The following CPAMD8 variants were observed in gnomAD, a reference collection of about 807,000 sequenced individuals.
CPAMD8 encodes the protein C3 and PZP like alpha-2-macroglobulin domain containing 8, also known as C3 and PZP-like alpha-2-macroglobulin domain-containing protein 8.
CPAMD8 carries 146 observed loss-of-function variants against 224.7 expected under a neutral mutation model. The ratio of observed to expected loss-of-function variants is 0.65; its 90% confidence interval spans 0.57 to 0.75. The LOEUF (loss-of-function observed/expected upper bound fraction) is 0.75, where lower values mean the gene tolerates loss of function less well. CPAMD8 is among the 30% of genes least tolerant of loss of function. CPAMD8 has a pLI of 0.00. For synonymous variants in CPAMD8, 966 were observed against 1,044.6 expected (o/e 0.92, Z 1.45); for missense variants, 2,301 against 2,537.5 (o/e 0.91, Z 2.00).
intron 3 of CPAMD8, among the ~76,000 whole-genome samples, chr19:17,018,955 C>A (rs2056884596): frequency 1.3e-5 from 2 of 149,278 alleles, no homozygotes; most frequent in Non-Finnish European, 1.5e-5. Flanking sequence ...TAGAAAAAAT[C>A]TAGCTGGGGG....
chr19:16,906,293 C>T lies in CPAMD8; in HGVS notation c.4027+659G>A, dbSNP rs531413584. On this transcript the variant is annotated intron_variant, in intron 30 of 41. Transcript: ENST00000443236. ...TTCCTTCCTTTCTTCCTCTCCCTCC[C>T]TCCCTCCCTCTCTCTCTTCTCTCCC... 2.4e-3 allele frequency among the ~76,000 whole-genome samples: 362 copies of T among 150,076 alleles called. 1 individual carries two copies. Among genetic ancestry groups the T allele is most frequent in the South Asian group, 3.8e-3 (18 of 4,720 alleles).
intron 5 of CPAMD8, among the ~76,000 whole-genome samples, chr19:17,011,072 T>C (rs2123137435): frequency 6.6e-6 from 1 of 151,618 alleles, no homozygotes; most frequent in African/African-American, 2.4e-5. Context: ...TGGGCACCTA[T>C]AATCCCGGCT....
chr19:16,939,014 A>G (rs1165378328), intron 22 of CPAMD8, among the ~76,000 whole-genome samples: 3 of 151,848 alleles, frequency 2.0e-5, no homozygotes, highest in Non-Finnish European at 2.9e-5. Flanking sequence ...CCAGAATTTA[A>G]CCCCCTATAC....
chr19:16,950,737 G>T (rs1311951309), intron 20 of CPAMD8, among the ~76,000 whole-genome samples: 1 of 147,404 alleles, frequency 6.8e-6, no homozygotes, highest in Non-Finnish European at 1.5e-5. Flanking sequence ...AGGCTGCAGT[G>T]AGCTGTGATT....
chr19:16,992,147 C>T (rs1357683847), intron 12 of CPAMD8, among the ~76,000 whole-genome samples: 5 of 152,146 alleles, frequency 3.3e-5, no homozygotes, highest in Non-Finnish European at 7.4e-5. Context: ...TTCTTGCCTC[C>T]CCTGATGATG....
rs765066040 is a variant in CPAMD8, at chr19:16,976,108, A to C, written c.1802T>G (p.Val601Gly). 1.2e-6 allele frequency: 2 copies of C among 1,612,786 alleles called. No homozygotes were observed. The highest frequency in any genetic ancestry group is 1.7e-5 in the Admixed American group (1 of 59,884). The change falls in exon 16 of 42, where the codon GTT becomes GGT. Residue 601 changes from valine to glycine, a missense_variant. This residue lies in a region of CPAMD8 where 1,709 missense variants were observed against 1,753.2 expected (regional missense o/e 0.97). Coordinates refer to ENST00000443236, the MANE Select transcript of CPAMD8 (RefSeq NM_015692.5). Reference protein sequence around the residue: ...YSANETQPGEVVDLRIRAARG... With the variant: ...YSANETQPGEGVDLRIRAARG... ...TGCAGCCCTGATCCGCAGGTCGACA[A>C]CCTCCCCAGGTTGGGTCTCATTTGC...
At chr19:16,971,371 T>C (rs138966073) in intron 17 of CPAMD8, among the ~76,000 whole-genome samples, 1 of 152,248 alleles carries the variant, frequency 6.6e-6, no homozygotes, top group Non-Finnish European at 1.5e-5. Flanking sequence ...GCATCATTCT[T>C]TTACTCTGGG....
chr19:17,018,333 T>C (rs1014723651), intron 3 of CPAMD8, among the ~76,000 whole-genome samples: 7 of 152,122 alleles, frequency 4.6e-5, no homozygotes, highest in African/African-American at 1.2e-4. Context: ...GTTTGGTACA[T>C]ATAATAATTT....
Position 16,897,967 on chromosome 19 carries a change from G to A in CPAMD8, c.4876C>T (p.Arg1626Trp). The A allele has an allele frequency of 1.9e-6, 3 of 1,610,882 alleles. No homozygotes were observed. Among genetic ancestry groups the A allele is most frequent in the Non-Finnish European group, 2.5e-6 (3 of 1,179,306 alleles). ...ACGCACTCCCGGAGAGCACGGAACC[G>A]CACGCACGTCAGGCACCGGCTGGGG... ...EIPSRCLTCV[R>W]FRALRECVVG... is the part of the protein sequence containing the mutation. The change falls in exon 38 of 42, where the codon CGG becomes TGG. Residue 1626 changes from arginine (R) to tryptophan (W), a missense_variant. By Grantham distance (101) the Arg-to-Trp change is moderately radical. Coordinates refer to ENST00000443236, the MANE Select transcript of CPAMD8 (RefSeq NM_015692.5).
Position 16,902,784 on chromosome 19 carries a change from G to T in CPAMD8, c.4550C>A (p.Ala1517Asp). Residue 1517 changes from alanine to aspartate, a missense_variant, in exon 35 of 42, where the codon GCC (alanine) becomes GAC (aspartate). Ala to Asp is a moderately radical substitution (Grantham distance 126). This residue lies in a region of CPAMD8 where 1,709 missense variants were observed against 1,753.2 expected (regional missense o/e 0.97). Transcript: ENST00000443236. ...AGGCATGGGGGGCGGGCGTCCCTGG[G>T]CCTCAGGCTCCTGGAGGCTTACGAG... ...QLLVSLQEPE[A>D]QGRPPPMPAS... The T allele has an allele frequency of 6.3e-7, 1 of 1,589,608 alleles. No individual in the cohort carries two copies. Among genetic ancestry groups the T allele is most frequent in the Non-Finnish European group, 8.6e-7 (1 of 1,164,126 alleles).
At chr19:16,896,411 G>C in intron 40 of CPAMD8, 45 bp downstream of exon 40, 1 of 1,490,514 alleles carries the variant, frequency 6.7e-7, no homozygotes, top group Non-Finnish European at 8.9e-7. Flanking sequence ...GCCCAGAGCA[G>C]CAGCGATGGT....
chr19:17,002,400 C>T, intron 8 of CPAMD8, 50 bp from the exon 9 acceptor site: 1 of 1,317,054 alleles, frequency 7.6e-7, no homozygotes, highest in Non-Finnish European at 1.1e-6. Flanking sequence ...CCTAAGGTGG[C>T]CTCAGGAGCC....
intron 26 of CPAMD8, among the ~76,000 whole-genome samples, chr19:16,923,835 A>T (rs1414315313): frequency 1.3e-5 from 2 of 152,186 alleles, no homozygotes; most frequent in African/African-American, 4.8e-5. Flanking sequence ...GCACACCTGT[A>T]GTCCCAGCTA....
At chr19:16,914,305 C>T (rs191458063) in intron 29 of CPAMD8, 119 bp downstream of exon 29, 24 of 749,682 alleles carry the variant, frequency 3.2e-5, no homozygotes, top group South Asian at 5.0e-5. Flanking sequence ...GAAAAAGCCT[C>T]GATAATGAGC....
chr19:16,975,381 A>T, intron 16 of CPAMD8, 123 bp from the exon 17 acceptor site: 1 of 736,968 alleles, frequency 1.4e-6, no homozygotes. Flanking sequence ...CCTCCAGGAG[A>T]TGGGCACTGG....
Position 16,897,767 on chromosome 19 carries a change from G to T in CPAMD8, c.4989C>A (p.Thr1663=). The T allele has an allele frequency of 1.3e-6, 2 of 1,582,962 alleles. No individual in the cohort carries two copies. The highest frequency in any genetic ancestry group is 1.3e-5 in the African/African-American group (1 of 74,306). ...FEATRFYNVS[T]HSPLARELCA... ...ACAGTTCCCGGGCGAGTGGGCTGTG[G>T]GTGCTGACGTTGTAGAAGCGAGTGG... Residue 1663 remains threonine (T), a synonymous_variant, in exon 39 of 42, where the codon ACC becomes ACA. Transcript: ENST00000443236.
At chr19:16,973,285 T>C (rs2055129571) in intron 17 of CPAMD8, among the ~76,000 whole-genome samples, 1 of 152,206 alleles carries the variant, frequency 6.6e-6, no homozygotes, top group South Asian at 2.1e-4. Flanking sequence ...CTTTTCTGCA[T>C]GTTTGGAAAT....
intron 17 of CPAMD8, among the ~76,000 whole-genome samples, chr19:16,974,754 G>A (rs1207344659): frequency 1.3e-5 from 2 of 152,026 alleles, no homozygotes; most frequent in African/African-American, 2.4e-5. Flanking sequence ...ATTGCTTGAG[G>A]CCAGGAGTTT....
At chr19:16,937,091 C>T (rs914699056) in intron 23 of CPAMD8, among the ~76,000 whole-genome samples, 1 of 124,130 alleles carries the variant, frequency 8.1e-6, no homozygotes, top group Admixed American at 8.4e-5. Flanking sequence ...CTTCCTTCCT[C>T]CTTCCTTCCT....
Sources: gnomAD v4.1 joint callset for allele counts (sites outside exome capture counted in the v4.1 genomes callset) on GRCh38, gnomAD v4.1.1 for gene constraint, gnomAD v4.1.1 regional missense constraint, MANE v1.5 for transcripts, NCBI Gene and HGNC (gene_info 2026-07-23, HGNC 2026-07-21) for gene names.